UNC13C: variants seen among roughly 807,000 people sequenced by gnomAD.
The protein encoded by UNC13C is protein unc-13 homolog C.
In UNC13C, 174 loss-of-function variants were observed where a neutral mutation model predicts 245.4. That is an observed-to-expected ratio of 0.71 (90% CI 0.63 to 0.80). The LOEUF is 0.80. Among genes scored for constraint, UNC13C ranks in the 30% least tolerant of loss-of-function variants. UNC13C has a pLI of 0.00. For synonymous variants in UNC13C, 992 were observed against 895.1 expected (o/e 1.11, Z -1.93); for missense variants, 2,829 against 2,602.9 (o/e 1.09, Z -1.89).
chr15:54,130,317 G>A, intron 2 of UNC13C, among the ~76,000 whole-genome samples: 1 of 105,488 alleles, frequency 9.5e-6, no homozygotes, highest in East Asian at 2.8e-4. Context: ...TTGTGAGACG[G>A]AGTCTCAGTC....
intron 2 of UNC13C, among the ~76,000 whole-genome samples, chr15:54,017,220 TTG>T (rs200658822): frequency 1.3e-5 from 2 of 152,018 alleles, no homozygotes; most frequent in African/African-American, 4.8e-5. Context: ...TTTTGTGTTT[TTG>T]TTTTTTTTGC....
chr15:54,367,803 A>T (rs1378977097), intron 17 of UNC13C, among the ~76,000 whole-genome samples: 3 of 152,106 alleles, frequency 2.0e-5, no homozygotes, highest in Non-Finnish European at 4.4e-5. Flanking sequence ...TTATATTTGC[A>T]CTATCCAATA....
chr15:54,354,749 A>G (rs1413130931), intron 17 of UNC13C, among the ~76,000 whole-genome samples: 52 of 152,230 alleles, frequency 3.4e-4, no homozygotes, highest in Admixed American at 3.1e-3. Context: ...AAAGAAAACA[A>G]CTTAAAGATC....
intron 4 of UNC13C, among the ~76,000 whole-genome samples, chr15:54,196,647 C>A (rs1595987043): frequency 1.3e-5 from 2 of 152,060 alleles, no homozygotes; most frequent in South Asian, 4.2e-4. Flanking sequence ...TAAGTTAAAT[C>A]CAGGCTTTCA....
At chr15:54,592,602 A>G (rs1329368284) in intron 30 of UNC13C, among the ~76,000 whole-genome samples, 1 of 152,164 alleles carries the variant, frequency 6.6e-6, no homozygotes, top group Non-Finnish European at 1.5e-5. Context: ...TTTGTCGGAT[A>G]TAAGAATAGC....
chr15:54,537,530 A>G (rs1367305159), intron 26 of UNC13C, among the ~76,000 whole-genome samples: 1 of 152,146 alleles, frequency 6.6e-6, no homozygotes, highest in Non-Finnish European at 1.5e-5. Context: ...AGTCAAAGTA[A>G]TCCTAAGCAA....
At chr15:53,959,600 G>A in the UNC13C span, among the ~76,000 whole-genome samples, 66 of 152,182 alleles carry the variant, frequency 4.3e-4, no homozygotes, top group South Asian at 2.1e-4. Flanking sequence ...AAGACTCAGG[G>A]TGTCCTTTGG....
At position 54,567,966 on chromosome 15, in the gene UNC13C, C is replaced by A; in HGVS notation, c.6106+19C>A. 6.7e-7 allele frequency: 1 copy of A among 1,487,784 alleles called. No homozygotes were observed. Among genetic ancestry groups the A allele is most frequent in the Non-Finnish European group, 9.0e-7 (1 of 1,111,010 alleles). 92.2% of individuals were successfully genotyped at this position (1,487,784 alleles called of 1,614,324 possible). ...TCACAGAGTAAGTAACACATAGGAC[C>A]TGAGAATAAGGTAAACTGAATACTA... On this transcript the variant is annotated intron_variant, in intron 30 of 32. Transcript: ENST00000260323.
At chr15:54,026,613 G>C (rs1472959130) in intron 2 of UNC13C, among the ~76,000 whole-genome samples, 1 of 152,116 alleles carries the variant, frequency 6.6e-6, no homozygotes, top group Non-Finnish European at 1.5e-5. Context: ...ATCACATTAA[G>C]AAATACTTAA....
the UNC13C span, among the ~76,000 whole-genome samples, chr15:53,906,601 A>T: frequency 6.6e-6 from 1 of 152,206 alleles, no homozygotes; most frequent in Non-Finnish European, 1.5e-5. Flanking sequence ...ATCAGCCAGG[A>T]CAATTGAATT....
intron 19 of UNC13C, among the ~76,000 whole-genome samples, chr15:54,416,114 G>A (rs2040515571): frequency 6.6e-6 from 1 of 152,164 alleles, no homozygotes; most frequent in African/African-American, 2.4e-5. Context: ...AGCAGACAGG[G>A]CCTTGTGGGC....
At chr15:53,971,379 C>T in the UNC13C span, among the ~76,000 whole-genome samples, 1 of 152,114 alleles carries the variant, frequency 6.6e-6, no homozygotes, top group Non-Finnish European at 1.5e-5. Flanking sequence ...AGCTTCAAGA[C>T]TTTCTCAGTG....
Position 54,049,030 on chromosome 15 carries a change from G to A in UNC13C, c.2983+33144G>A, listed in dbSNP as rs576152258. The A allele has an allele frequency of 4.6e-4, 173 of 380,048 alleles. 1 individual carries two copies. Among genetic ancestry groups the A allele is most frequent in the South Asian group, 3.6e-3 (158 of 43,580 alleles). 23.5% of individuals were successfully genotyped at this position (380,048 alleles called of 1,614,324 possible). On this transcript the variant is annotated intron_variant, in intron 2 of 32. Transcript: ENST00000260323. ...AGAATTTTTTCTTCCTTCCCAAATCGTTTCACAGAAGTGATATAGATATCT... is the reference window on the plus strand; with the variant it reads ...AGAATTTTTTCTTCCTTCCCAAATCATTTCACAGAAGTGATATAGATATCT...
At chr15:54,206,403 G>T (rs1348471756) in intron 4 of UNC13C, among the ~76,000 whole-genome samples, 2 of 152,068 alleles carry the variant, frequency 1.3e-5, no homozygotes, top group Non-Finnish European at 2.9e-5. Flanking sequence ...TCTGAAATCA[G>T]CTCCACCTTC....
At chr15:53,975,256 A>G (rs1893659974), upstream of UNC13C, among the ~76,000 whole-genome samples, 1 of 152,218 alleles carries the variant, frequency 6.6e-6, no homozygotes, top group South Asian at 2.1e-4. Flanking sequence ...ATCTTTCCAA[A>G]TTGCATAAGA....
At chr15:54,603,148 C>T (rs972521330) in intron 30 of UNC13C, among the ~76,000 whole-genome samples, 3 of 152,172 alleles carry the variant, frequency 2.0e-5, no homozygotes, top group African/African-American at 4.8e-5. Context: ...TGACACCTGT[C>T]TCATGGTAAA....
chr15:54,079,324 C>T (rs1341101561), intron 2 of UNC13C, among the ~76,000 whole-genome samples: 1 of 151,898 alleles, frequency 6.6e-6, no homozygotes, highest in African/African-American at 2.4e-5. Context: ...TAATTTTAAT[C>T]ATTTTTTTCT....
At chr15:54,516,799 C>CAAAAAAAAAAAAAAAAAAAAAAAAAAAAA (rs59628073) in intron 24 of UNC13C, among the ~76,000 whole-genome samples, 3 of 123,626 alleles carry the variant, frequency 2.4e-5, no homozygotes, top group African/African-American at 6.4e-5. Flanking sequence ...GATGCTGTCT[C>CAAAAAAAAAAAAAAAAAAAAAAAAAAAAA]AAAAAAAAAA....
rs925701719 is a variant in UNC13C, at chr15:54,575,267, C to T, written c.6106+7320C>T. Among the ~76,000 whole-genome samples the T allele has an allele frequency of 3.9e-5, 6 of 152,274 alleles. No individual in the cohort carries two copies. In the South Asian group the frequency reaches 6.2e-4, roughly 16 times the overall value. ...GCCAGGCTGGCCTCGAACTCCTGACCTCAGGTGATCTGCCCACCTTGTATC... is the reference window on the plus strand; with the variant it reads ...GCCAGGCTGGCCTCGAACTCCTGACTTCAGGTGATCTGCCCACCTTGTATC... On this transcript the variant is annotated intron_variant, in intron 30 of 32. Transcript: ENST00000260323.
Sources: allele counts gnomAD v4.1 joint callset (sites outside exome capture counted in the v4.1 genomes callset), GRCh38; gene constraint gnomAD v4.1.1; transcripts MANE v1.5; gene names NCBI Gene and HGNC (gene_info 2026-07-23, HGNC 2026-07-21).